Variants in PLEKHG4 observed in about 807,000 individuals in gnomAD.
PLEKHG4 encodes the protein pleckstrin homology and RhoGEF domain containing G4.
PLEKHG4 carries 85 observed loss-of-function variants against 136.9 expected under a neutral mutation model. The ratio of observed to expected loss-of-function variants is 0.62; its 90% confidence interval spans 0.52 to 0.74. PLEKHG4 has a LOEUF of 0.74. Ranked by LOEUF, PLEKHG4 falls within the 30% of genes least tolerant of loss-of-function variation. PLEKHG4 has a pLI of 0.00. For missense variants in PLEKHG4, 1,317 were observed against 1,527.8 expected, an observed-to-expected ratio of 0.86 and a Z score of 2.30; for synonymous variants, 577 against 646.9, an observed-to-expected ratio of 0.89 and a Z score of 1.64.
intron 21 of PLEKHG4, 21 bp downstream of exon 21, chr16:67,288,625 A>T: frequency 6.2e-7 from 1 of 1,613,276 alleles, no homozygotes; most frequent in South Asian, 1.1e-5. Flanking sequence ...TTTGCCCTAT[A>T]CCCACCAGCC....
In PLEKHG4 at chr16:67,285,339, C is replaced by G; in HGVS notation, c.2245C>G (p.Arg749Gly). 1 of 1,614,156 alleles carries G rather than the reference C, an allele frequency of 6.2e-7. No homozygotes were observed. Among genetic ancestry groups the G allele is most frequent in the Non-Finnish European group, 8.5e-7 (1 of 1,180,032 alleles). ...EMVATEREYVRALEYTMENYF... is the reference protein window; with the variant it reads ...EMVATEREYVGALEYTMENYF... The stretch of plus-strand genomic sequence containing the variant: ...GGTGGCCACGGAGCGGGAGTATGTC[C>G]GGGCTCTAGAGTACACTATGGAGAA... The change falls in exon 14 of 22, where the codon CGG (arginine) becomes GGG (glycine). Residue 749 changes from arginine (R) to glycine (G), a missense_variant. Transcript: ENST00000379344.
In PLEKHG4 at chr16:67,279,915, C is replaced by A. The variant is rs1015475989; in HGVS notation, c.-130C>A. 4.5e-6 allele frequency: 4 copies of A among 879,894 alleles called. No individual in the cohort carries two copies. The highest frequency in any genetic ancestry group is 2.7e-5 in the East Asian group (1 of 37,604). The allele number at this position is 879,894 out of a possible 1,614,324, so 54.5% of individuals were successfully genotyped here. A position where few individuals can be genotyped will look rare whatever the true frequency, so the allele number is the denominator to read the frequency against. ...TCCTGTGCCCTGGCACTAAGACTGG[C>A]ACCTCCTGCGGCCCATGCCCTTCGC... On this transcript the variant is annotated 5_prime_UTR_variant, in exon 2 of 22. Coordinates refer to ENST00000379344, the MANE Select transcript of PLEKHG4 (RefSeq NM_001129729.3).
chr16:67,285,281 A>G lies in PLEKHG4; in HGVS notation c.2196-9A>G. On this transcript the variant is annotated splice_polypyrimidine_tract_variant and intron_variant, in intron 13 of 21. Coordinates refer to ENST00000379344, the MANE Select transcript of PLEKHG4 (RefSeq NM_001129729.3). ...GATGTCTTGGGTCCTGACTCCCCAT[A>G]CCTGGTAGGCTACAGCTGGTGCTGG... 1 of 1,613,840 alleles carries G rather than the reference A, an allele frequency of 6.2e-7. No homozygotes were observed. Among genetic ancestry groups the G allele is most frequent in the Non-Finnish European group, 8.5e-7 (1 of 1,179,918 alleles).
rs1304312133 is a variant in PLEKHG4 at position 67,281,012 on chromosome 16, G to A, written c.719+7G>A. On this transcript the variant is annotated splice_region_variant and intron_variant, in intron 4 of 21. Coordinates refer to ENST00000379344, the MANE Select transcript of PLEKHG4 (RefSeq NM_001129729.3). ...ACCTGCGAAGCATCCCCAGGTTTGA[G>A]GGAGGGGGTTGGGAGACTGAGCCTG... 6.2e-7 allele frequency: 1 copy of A among 1,614,104 alleles called. No individual in the cohort carries two copies. Among genetic ancestry groups the A allele is most frequent in the Non-Finnish European group, 8.5e-7 (1 of 1,180,030 alleles).
At chr16:67,285,652 C>A in intron 14 of PLEKHG4, 116 bp downstream of exon 14, 3 of 1,218,744 alleles carry the variant, frequency 2.5e-6, no homozygotes, top group African/African-American at 1.5e-5. Flanking sequence ...GCAAGACTGG[C>A]AGGCTCCTGC....
At position 67,280,830 on chromosome 16, in the gene PLEKHG4, G is replaced by A. The variant is rs747851059; in HGVS notation, c.595+24G>A. On this transcript the variant is annotated intron_variant, in intron 3 of 21. Transcript: ENST00000379344. This position sits in a 1 kb window ranked among gnomAD's most constrained non-coding sequence, Gnocchi z 4.4. ...AGGTAGCCAGGCGGGCCTAGAGGCG[G>A]TGGAGGTGGAGTGGCCCAATACGGC... 9.3e-6 allele frequency: 15 copies of A among 1,613,836 alleles called. No individual in the cohort carries two copies. Among genetic ancestry groups the A allele is most frequent in the East Asian group, 2.2e-5 (1 of 44,890 alleles).
chr16:67,284,531 T>A lies in PLEKHG4; in HGVS notation c.1692+74T>A. The A allele has an allele frequency of 6.5e-7, 1 of 1,546,426 alleles. No homozygotes were observed. The highest frequency in any genetic ancestry group is 8.9e-7 in the Non-Finnish European group (1 of 1,123,632). On this transcript the variant is annotated intron_variant, in intron 12 of 21. Transcript: ENST00000379344. The surrounding 1 kb of genome is among the most constrained non-coding windows in gnomAD (Gnocchi z 4.4). ...TGGCAGCCCCAGCTTCAGCAGAGCC[T>A]GAGCTTTTCTTGGTCATGCTGCCTG...
In PLEKHG4 at chr16:67,288,403, A is replaced by G. The variant is rs1465036639; in HGVS notation, c.3454+3A>G. ...GCTGGGCGGCCAGCCCTCTTTGAGT[A>G]TGTCTGGGCCTAGCCAGAGGCAGGA... On this transcript the variant is annotated splice_donor_region_variant and intron_variant, in intron 20 of 21. Transcript: ENST00000379344. 6.2e-6 allele frequency: 10 copies of G among 1,612,366 alleles called. No individual in the cohort carries two copies. Among genetic ancestry groups the G allele is most frequent in the Non-Finnish European group, 6.8e-6 (8 of 1,179,758 alleles).
chr16:67,283,445 G>A (rs2036318844), intron 11 of PLEKHG4, among the ~76,000 whole-genome samples: 1 of 152,160 alleles, frequency 6.6e-6, no homozygotes, highest in Non-Finnish European at 1.5e-5. Context: ...CGAGTAGACA[G>A]TGACTTGGAG....
At position 67,289,165 on chromosome 16, in the gene PLEKHG4, C is replaced by T. The variant is rs991101651; in HGVS notation, c.*357C>T. ...TAGGCAGTGACTAGGGTGCCCCCACCCCTCAGGAAGAACACAGGTGGGCTC... is the reference window on the plus strand; with the variant it reads ...TAGGCAGTGACTAGGGTGCCCCCACTCCTCAGGAAGAACACAGGTGGGCTC... On this transcript the variant is annotated 3_prime_UTR_variant, in exon 22 of 22. Coordinates refer to ENST00000379344, the MANE Select transcript of PLEKHG4 (RefSeq NM_001129729.3). The T allele has an allele frequency of 2.1e-6, 1 of 468,028 alleles. No homozygotes were observed. The highest frequency in any genetic ancestry group is 3.9e-6 in the Non-Finnish European group (1 of 255,612). 29.0% of individuals were successfully genotyped at this position (468,028 alleles called of 1,614,324 possible).
chr16:67,280,883 G>A lies in PLEKHG4; in HGVS notation c.597G>A (p.Gly199=). 1 of 1,612,912 alleles carries A rather than the reference G, an allele frequency of 6.2e-7. No homozygotes were observed. Among genetic ancestry groups the A allele is most frequent in the Non-Finnish European group, 8.5e-7 (1 of 1,180,026 alleles). Residue 199 remains glycine, a splice_region_variant and synonymous_variant, in exon 4 of 22, where the codon GGG becomes GGA. Coordinates refer to ENST00000379344, the MANE Select transcript of PLEKHG4 (RefSeq NM_001129729.3). This position sits in a 1 kb window ranked among gnomAD's most constrained non-coding sequence, Gnocchi z 4.4. ...GAGTTCACTGCTTCCTCCCCACAGGGACTCGGGATGTCCAAGGCCGGGCAG... is the reference window on the plus strand; with the variant it reads ...GAGTTCACTGCTTCCTCCCCACAGGAACTCGGGATGTCCAAGGCCGGGCAG... ...LLASGMATLP[G]TRDVQGRAVL... is the part of the protein sequence containing the mutation.
In PLEKHG4 at chr16:67,280,877, C is replaced by A. The variant is rs777483435; in HGVS notation, c.596-5C>A. ...CGGCAGGAGTTCACTGCTTCCTCCC[C>A]ACAGGGACTCGGGATGTCCAAGGCC... On this transcript the variant is annotated splice_region_variant and splice_polypyrimidine_tract_variant and intron_variant, in intron 3 of 21. Coordinates refer to ENST00000379344, the MANE Select transcript of PLEKHG4 (RefSeq NM_001129729.3). This position sits in a 1 kb window ranked among gnomAD's most constrained non-coding sequence, Gnocchi z 4.4. The A allele has an allele frequency of 6.2e-7, 1 of 1,613,060 alleles. No individual in the cohort carries two copies. Among genetic ancestry groups the A allele is most frequent in the Admixed American group, 1.7e-5 (1 of 60,024 alleles).
Position 67,286,573 on chromosome 16 carries a change from G to A in PLEKHG4, c.2661G>A (p.Glu887=), listed in dbSNP as rs2036479539. The part of the protein sequence containing the change: ...LARACGGPTQ[E]LSALREAQSL... The stretch of plus-strand genomic sequence containing the variant: ...GGGCCTGCGGGGGCCCCACGCAGGA[G>A]CTCAGTGCGCTGCGGGAGGCCCAGA... The change falls in exon 16 of 22, where the codon GAG becomes GAA. Residue 887 remains glutamate (E), a synonymous_variant. Transcript: ENST00000379344. The A allele has an allele frequency of 6.4e-7, 1 of 1,561,486 alleles. No individual in the cohort carries two copies. The highest frequency in any genetic ancestry group is 1.2e-5 in the South Asian group (1 of 86,014).
At position 67,285,105 on chromosome 16, in the gene PLEKHG4, T is replaced by C. The variant is rs779160303; in HGVS notation, c.2085T>C (p.His695=). 44 of 1,613,310 alleles carry C rather than the reference T, an allele frequency of 2.7e-5. No homozygotes were observed. The highest frequency in any genetic ancestry group is 3.6e-5 in the Non-Finnish European group (42 of 1,180,036). The part of the protein sequence containing the change: ...SLSEPACHCH[H]AATIAACRRP... The stretch of plus-strand genomic sequence containing the variant: ...GTGAACCTGCCTGCCACTGCCACCA[T>C]GCGGCCACTATTGCTGCCTGCCGCA... The change falls in exon 13 of 22, where the codon CAT becomes CAC. Residue 695 remains histidine (H), a synonymous_variant. Transcript: ENST00000379344.
At position 67,284,464 on chromosome 16, in the gene PLEKHG4, G is replaced by A. The variant is rs2036371721; in HGVS notation, c.1692+7G>A. On this transcript the variant is annotated splice_region_variant and intron_variant, in intron 12 of 21. Coordinates refer to ENST00000379344, the MANE Select transcript of PLEKHG4 (RefSeq NM_001129729.3). The surrounding 1 kb of genome is among the most constrained non-coding windows in gnomAD (Gnocchi z 4.4). Reference sequence around the variant, plus strand: ...GTTTCAGCTCTTCAGGGAGGTGGGTGAGAGTCTCCCCAGCTCCAAGTGATC... The same window carrying A: ...GTTTCAGCTCTTCAGGGAGGTGGGTAAGAGTCTCCCCAGCTCCAAGTGATC... The A allele has an allele frequency of 6.2e-7, 1 of 1,612,636 alleles. No individual in the cohort carries two copies. Among genetic ancestry groups the A allele is most frequent in the Non-Finnish European group, 8.5e-7 (1 of 1,179,072 alleles).
intron 18 of PLEKHG4, among the ~76,000 whole-genome samples, chr16:67,287,408 T>C (rs2142480190): frequency 6.6e-6 from 1 of 152,316 alleles, no homozygotes; most frequent in Non-Finnish European, 1.5e-5. Context: ...TCTCTCTCTC[T>C]TTATTTTTGG....
rs377300525 is a variant in PLEKHG4 at position 67,288,213 on chromosome 16, C to G, written c.3267C>G (p.Asp1089Glu). The change falls in exon 20 of 22, where the codon GAC becomes GAG. Residue 1089 changes from aspartate (D) to glutamate (E), a missense_variant. Coordinates refer to ENST00000379344, the MANE Select transcript of PLEKHG4 (RefSeq NM_001129729.3). ...TTGCCGTAGCCCCGTTTGACCATGA[C>G]AGCCTCTACCTGGGGGCCTCGAACT... is the stretch of plus-strand genomic sequence containing the variant. ...ASIAVAPFDH[D>E]SLYLGASNSL... 5.0e-6 allele frequency: 8 copies of G among 1,613,980 alleles called. No homozygotes were observed. The African/African-American group carries it at 1.1e-4, about 22-fold the overall frequency.
intron 1 of PLEKHG4, 70 bp from the exon 2 acceptor site, chr16:67,279,806 C>T: frequency 1.8e-6 from 1 of 547,238 alleles, no homozygotes; most frequent in Non-Finnish European, 3.3e-6. Context: ...GCGCACGGAG[C>T]AGAGGCCCAC....
At position 67,280,038 on chromosome 16, in the gene PLEKHG4, G is replaced by C; in HGVS notation, c.-7G>C. On this transcript the variant is annotated 5_prime_UTR_variant, in exon 2 of 22. Coordinates refer to ENST00000379344, the MANE Select transcript of PLEKHG4 (RefSeq NM_001129729.3). This position sits in a 1 kb window ranked among gnomAD's most constrained non-coding sequence, Gnocchi z 4.4. ...GCCCCGAGCAGGCCCACCTTTAGGA[G>C]GGCGTGATGGAAAGGCCCCTGGAGA... The C allele has an allele frequency of 1.2e-6, 2 of 1,612,318 alleles. No individual in the cohort carries two copies. The highest frequency in any genetic ancestry group is 1.7e-6 in the Non-Finnish European group (2 of 1,179,290).
Sources: gnomAD v4.1 joint callset for allele counts (sites outside exome capture counted in the v4.1 genomes callset) on GRCh38, gnomAD v4.1.1 for gene constraint, Gnocchi (gnomAD v3.1) non-coding constraint, MANE v1.5 for transcripts, NCBI Gene and HGNC (gene_info 2026-07-23, HGNC 2026-07-21) for gene names.